Variants in OTOP1 observed in about 807,000 individuals in gnomAD.
OTOP1 encodes proton channel OTOP1.
Under a neutral mutation model 52.9 loss-of-function variants are expected in OTOP1, and 59 were observed. The observed-to-expected ratio is 1.12, with a 90% confidence interval of 0.91 to 1.39. The LOEUF (loss-of-function observed/expected upper bound fraction) is 1.39. OTOP1 is among the 40% of genes most tolerant of loss of function. The pLI is 0.00. For synonymous variants in OTOP1, 317 were observed against 337.7 expected, an observed-to-expected ratio of 0.94 and a Z score of 0.67; for missense variants, 761 against 800.9, an observed-to-expected ratio of 0.95 and a Z score of 0.60.
At chr4:4,190,442 C>A (rs1409999836) in intron 5 of OTOP1, among the ~76,000 whole-genome samples, 1 of 152,098 alleles carries the variant, frequency 6.6e-6, no homozygotes, top group African/African-American at 2.4e-5. Context: ...CCACTGCACT[C>A]CAGCCTGGGC....
rs989486657 is a variant in OTOP1 at position 4,216,997 on chromosome 4, C to T, written c.404-3993G>A. ...GGACGGGGCCCCAAAATTTGCATCT[C>T]TAACAAATTTTCAAGTGGGGCTGCC... is the stretch of plus-strand genomic sequence containing the variant. On this transcript the variant is annotated intron_variant, in intron 1 of 5. Coordinates refer to ENST00000296358, the MANE Select transcript of OTOP1 (RefSeq NM_177998.3). 8.5e-4 allele frequency among the ~76,000 whole-genome samples: 129 copies of T among 152,342 alleles called. 1 individual carries two copies. Among genetic ancestry groups the T allele is most frequent in the African/African-American group, 3.0e-3 (126 of 41,586 alleles).
rs530294583 is a variant in OTOP1, at chr4:4,192,172, C to T, written c.1669-3199G>A. On this transcript the variant is annotated intron_variant, in intron 5 of 5. Transcript: ENST00000296358. ...GGAGACAGGCAGCTTCCAGTTCAAT[C>T]TTTTGGAGGGTTGGCTCTGGGGCCC... Among the ~76,000 whole-genome samples the T allele has an allele frequency of 2.0e-5, 3 of 152,296 alleles. No homozygotes were observed. The East Asian group carries it at 5.8e-4, about 29-fold the overall frequency.
chr4:4,193,107 C>T (rs1716548957), intron 5 of OTOP1, among the ~76,000 whole-genome samples: 1 of 152,098 alleles, frequency 6.6e-6, no homozygotes, highest in South Asian at 2.1e-4. Flanking sequence ...AGTGTAGACC[C>T]TTCCATGGTT....
chr4:4,201,984 TAC>T (rs1716798910), intron 4 of OTOP1, among the ~76,000 whole-genome samples: 1 of 152,150 alleles, frequency 6.6e-6, no homozygotes, highest in Non-Finnish European at 1.5e-5. Context: ...TATAAGCCAA[TAC>T]AGTTAAATTA....
In OTOP1 at chr4:4,220,708, G is replaced by A. The variant is rs1227486218; in HGVS notation, c.403+5754C>T. Among the ~76,000 whole-genome samples, 9 of 152,294 alleles carry A rather than the reference G, an allele frequency of 5.9e-5. No individual in the cohort carries two copies. In the South Asian group the frequency reaches 1.2e-3, roughly 21 times the overall value. On this transcript the variant is annotated intron_variant, in intron 1 of 5. Transcript: ENST00000296358. ...TCGCCAAGAAAAAGTTGATGCATTA[G>A]AACCAATTAGAAAGTTTACCAGCTA...
chr4:4,226,816 C>T lies in OTOP1; in HGVS notation c.49G>A (p.Ala17Thr). ...SPASPRAAAS[A>T]SVAGSSGPAA... Reference sequence around the variant, plus strand: ...GGCCCCGACGACCCTGCGACCGAGGCGCTTGCAGCTGCCCGGGGCGAGGCG... The same window carrying T: ...GGCCCCGACGACCCTGCGACCGAGGTGCTTGCAGCTGCCCGGGGCGAGGCG... Residue 17 changes from alanine (A) to threonine (T), a missense_variant, in exon 1 of 6, where the codon GCC becomes ACC. Physicochemically the swap from Ala to Thr is moderately conservative, Grantham distance 58. This residue lies in a region of OTOP1 where 73 missense variants were observed against 75.7 expected (regional missense o/e 0.96). Coordinates refer to ENST00000296358, the MANE Select transcript of OTOP1 (RefSeq NM_177998.3). 7.4e-7 allele frequency: 1 copy of T among 1,358,072 alleles called. No individual in the cohort carries two copies. The highest frequency in any genetic ancestry group is 9.4e-7 in the Non-Finnish European group (1 of 1,060,488). The allele number at this position is 1,358,072 out of a possible 1,614,324, so 84.1% of individuals were successfully genotyped here.
At chr4:4,209,745 G>T (rs962799448) in intron 2 of OTOP1, among the ~76,000 whole-genome samples, 3 of 152,096 alleles carry the variant, frequency 2.0e-5, no homozygotes, top group Non-Finnish European at 4.4e-5. Context: ...TAAGTAATTT[G>T]CCTGAAGTCA....
Position 4,212,981 on chromosome 4 carries a change from T to C in OTOP1, c.427A>G (p.Ile143Val), listed in dbSNP as rs775245483. ...TTAAGGCATCCCAGGATGACGGTAA[T>C]GACTGCAAACAATGTGATACTACCT... ...LRGSITLFAV[I>V]TVILGCLKIG... The change falls in exon 2 of 6, where the codon ATT becomes GTT. Residue 143 changes from isoleucine (I) to valine (V), a missense_variant. Coordinates refer to ENST00000296358, the MANE Select transcript of OTOP1 (RefSeq NM_177998.3). 1 of 1,614,056 alleles carries C rather than the reference T, an allele frequency of 6.2e-7. No homozygotes were observed. Among genetic ancestry groups the C allele is most frequent in the Non-Finnish European group, 8.5e-7 (1 of 1,179,920 alleles).
At chr4:4,195,407 G>C (rs1716599751) in intron 5 of OTOP1, among the ~76,000 whole-genome samples, 1 of 152,182 alleles carries the variant, frequency 6.6e-6, no homozygotes, top group African/African-American at 2.4e-5. Context: ...TTCCATCAGA[G>C]AGGCTGGAAA....
At chr4:4,191,585 C>T (rs971684640) in intron 5 of OTOP1, among the ~76,000 whole-genome samples, 26 of 152,290 alleles carry the variant, frequency 1.7e-4, no homozygotes, top group African/African-American at 5.8e-4. Context: ...AGCCATTGTT[C>T]CCTCTGCCCT....
At chr4:4,203,570 C>A (rs552110652) in intron 3 of OTOP1, among the ~76,000 whole-genome samples, 2 of 152,192 alleles carry the variant, frequency 1.3e-5, no homozygotes, top group South Asian at 4.1e-4. Context: ...ACACTGGACT[C>A]TGGGTAGCAG....
Position 4,197,310 on chromosome 4 carries a change from G to C in OTOP1, c.1524C>G (p.Ser508Arg), listed in dbSNP as rs142378612. ...CCTGCTTCTCCTCCTCCTTGTCATGGCTTTCTCTCATGCACACATTTCCAT... is the reference window on the plus strand; with the variant it reads ...CCTGCTTCTCCTCCTCCTTGTCATGCCTTTCTCTCATGCACACATTTCCAT... Reference protein sequence around the residue: ...AANGNVCMRESHDKEEEKQEE... With the variant: ...AANGNVCMRERHDKEEEKQEE... Residue 508 changes from serine (S) to arginine (R), a missense_variant, in exon 5 of 6, where the codon AGC becomes AGG. By Grantham distance (110) the Ser-to-Arg change is moderately radical (BLOSUM62 -1). Around this residue, in one of 3 missense-constraint regions of OTOP1, gnomAD observed 632 missense variants for 619.5 expected, o/e 1.02. Coordinates refer to ENST00000296358, the MANE Select transcript of OTOP1 (RefSeq NM_177998.3). 6.2e-4 allele frequency: 995 copies of C among 1,614,082 alleles called. 1 individual carries two copies. Among genetic ancestry groups the C allele is most frequent in the Middle Eastern group, 8.2e-4 (5 of 6,062 alleles).
chr4:4,226,859 G>C lies in OTOP1; in HGVS notation c.6C>G (p.Leu2=). ...GCGAGGCGGGCGACCCCAGGCCCTC[G>C]AGCATCTTCGAGACACCCGCGCCAA... The part of the protein sequence containing the change: M[L]EGLGSPASPR... The change falls in exon 1 of 6, where the codon CTC becomes CTG. Residue 2 remains leucine (L), a synonymous_variant. Transcript: ENST00000296358. 7.5e-7 allele frequency: 1 copy of C among 1,326,938 alleles called. No homozygotes were observed. Among genetic ancestry groups the C allele is most frequent in the Non-Finnish European group, 9.6e-7 (1 of 1,042,784 alleles). 82.2% of individuals were successfully genotyped at this position (1,326,938 alleles called of 1,614,324 possible).
intron 4 of OTOP1, 61 bp downstream of exon 4, chr4:4,202,387 C>T: frequency 6.2e-7 from 1 of 1,605,180 alleles, no homozygotes; most frequent in Non-Finnish European, 8.5e-7. Flanking sequence ...TCTGTGGACT[C>T]TGCAGGTTTC....
chr4:4,196,378 C>T (rs990986053), intron 5 of OTOP1, among the ~76,000 whole-genome samples: 2 of 152,046 alleles, frequency 1.3e-5, no homozygotes, highest in African/African-American at 4.8e-5. Flanking sequence ...ATGGTGAAAC[C>T]CCCATCTCTA....
At chr4:4,193,062 A>C (rs1340642758) in intron 5 of OTOP1, among the ~76,000 whole-genome samples, 1 of 152,180 alleles carries the variant, frequency 6.6e-6, no homozygotes, top group African/African-American at 2.4e-5. Context: ...TTAAAAATAT[A>C]ATAAAATAAG....
intron 2 of OTOP1, among the ~76,000 whole-genome samples, chr4:4,207,062 A>ATCTTTATTTTGTCTC: frequency 6.6e-6 from 1 of 152,354 alleles, no homozygotes; most frequent in East Asian, 1.9e-4. Context: ...TAGTTATAAA[A>ATCTTTATTTTGTCTC]ATAAAATCAG....
At chr4:4,189,268 G>T (rs997472630) in intron 5 of OTOP1, among the ~76,000 whole-genome samples, 2 of 152,198 alleles carry the variant, frequency 1.3e-5, no homozygotes, top group African/African-American at 4.8e-5. Flanking sequence ...CCCAGCCTCG[G>T]TTTCCTCATT....
chr4:4,197,392 C>T lies in OTOP1; in HGVS notation c.1442G>A (p.Ser481Asn). The T allele has an allele frequency of 6.2e-7, 1 of 1,614,144 alleles. No homozygotes were observed. Among genetic ancestry groups the T allele is most frequent in the Non-Finnish European group, 8.5e-7 (1 of 1,180,034 alleles). ...AGCCACATCTCTGGCCACACCTCCACTCTTGGGGCAGGAAGAAGCAAGGGG... is the reference window on the plus strand; with the variant it reads ...AGCCACATCTCTGGCCACACCTCCATTCTTGGGGCAGGAAGAAGCAAGGGG... ...TMPLASSCPK[S>N]GGVARDVAPQ... Residue 481 changes from serine (S) to asparagine (N), a missense_variant, in exon 5 of 6, where the codon AGT becomes AAT. Around this residue, in one of 3 missense-constraint regions of OTOP1, gnomAD observed 632 missense variants for 619.5 expected, o/e 1.02. Coordinates refer to ENST00000296358, the MANE Select transcript of OTOP1 (RefSeq NM_177998.3).
Sources: allele counts gnomAD v4.1 joint callset (sites outside exome capture counted in the v4.1 genomes callset), GRCh38; gene constraint gnomAD v4.1.1; regional missense constraint gnomAD v4.1.1; transcripts MANE v1.5; gene names NCBI Gene and HGNC (gene_info 2026-07-23, HGNC 2026-07-21).